Variants in CRB1 observed in about 807,000 individuals in gnomAD.
The protein encoded by CRB1 is protein crumbs homolog 1.
A neutral mutation model predicts 120.0 loss-of-function variants in CRB1; 83 were observed. The ratio of observed to expected loss-of-function variants is 0.69; its 90% CI spans 0.58 to 0.83. The LOEUF is 0.83. Ranked by LOEUF, CRB1 falls within the 40% of genes least tolerant of loss-of-function variation. The pLI is 0.00. For synonymous variants in CRB1, 625 were observed against 612.5 expected (o/e 1.02, Z -0.30); for missense variants, 1,699 against 1,687.6 (o/e 1.01, Z -0.12).
chr1:197,321,881 ACT>A (rs1658217858), intron 1 of CRB1, among the ~76,000 whole-genome samples: 1 of 152,176 alleles, frequency 6.6e-6, no homozygotes, highest in South Asian at 2.1e-4. Flanking sequence ...TCACAGTTAA[ACT>A]CTCAGAAAGT....
At chr1:197,377,356 T>A (rs1292021743) in intron 5 of CRB1, among the ~76,000 whole-genome samples, 1 of 152,158 alleles carries the variant, frequency 6.6e-6, no homozygotes, top group Non-Finnish European at 1.5e-5. Flanking sequence ...AACCAATATT[T>A]CATGAATATC....
At chr1:197,202,105 C>T in the CRB1 span, among the ~76,000 whole-genome samples, 1 of 152,040 alleles carries the variant, frequency 6.6e-6, no homozygotes, top group Non-Finnish European at 1.5e-5. Flanking sequence ...AAGATGAAGG[C>T]TGAGACAAAA....
rs147060384 is a variant in CRB1, at chr1:197,449,412, G to T, written c.4005+7120G>T. On this transcript the variant is annotated intron_variant, in intron 11 of 11. Transcript: ENST00000367400. ...GATGGAGTCTCGCACTGTCGCCCAGGCTGGAGTGCAGTGGCGCAATCTCGG... is the reference window on the plus strand; with the variant it reads ...GATGGAGTCTCGCACTGTCGCCCAGTCTGGAGTGCAGTGGCGCAATCTCGG... Among the ~76,000 whole-genome samples, 70 of 152,084 alleles carry T rather than the reference G, an allele frequency of 4.6e-4. No individual in the cohort carries two copies. The East Asian group carries it at 0.01, about 22-fold the overall frequency.
intron 2 of CRB1, among the ~76,000 whole-genome samples, chr1:197,342,985 G>A (rs887366895): frequency 2.0e-5 from 3 of 152,180 alleles, no homozygotes; most frequent in Non-Finnish European, 4.4e-5. Flanking sequence ...CAAAGAGCAA[G>A]CCACTTACCT....
At chr1:197,330,798 C>T (rs1366130585) in intron 2 of CRB1, among the ~76,000 whole-genome samples, 1 of 152,078 alleles carries the variant, frequency 6.6e-6, no homozygotes, top group Non-Finnish European at 1.5e-5. Context: ...TTGCACCCCC[C>T]CCCAAATGTT....
At chr1:197,329,118 G>T in intron 2 of CRB1, 115 bp downstream of exon 2, 2 of 904,800 alleles carry the variant, frequency 2.2e-6, no homozygotes, top group Non-Finnish European at 3.5e-6. Flanking sequence ...CCAAGTTCTT[G>T]ACAGGAATCA....
At chr1:197,461,455 A>G (rs556247792) in intron 11 of CRB1, among the ~76,000 whole-genome samples, 2 of 152,252 alleles carry the variant, frequency 1.3e-5, no homozygotes, top group Non-Finnish European at 2.9e-5. Context: ...TATGAGAGCC[A>G]TGAAGGTGAT....
chr1:197,426,485 C>G (rs1426004813), intron 6 of CRB1, among the ~76,000 whole-genome samples: 1 of 152,154 alleles, frequency 6.6e-6, no homozygotes, highest in African/African-American at 2.4e-5. Flanking sequence ...TGTCTTTCCT[C>G]CAACTAGAAT....
At chr1:197,405,080 A>C (rs1025705578) in intron 5 of CRB1, among the ~76,000 whole-genome samples, 4 of 146,986 alleles carry the variant, frequency 2.7e-5, no homozygotes, top group South Asian at 4.3e-4. Flanking sequence ...CCCTCTCCCC[A>C]CGGTCTCCCT....
At chr1:197,372,490 A>G (rs1179182233) in intron 5 of CRB1, among the ~76,000 whole-genome samples, 1 of 152,232 alleles carries the variant, frequency 6.6e-6, no homozygotes, top group Non-Finnish European at 1.5e-5. Flanking sequence ...TACCTTTGTT[A>G]CATTGGTTTG....
intron 5 of CRB1, among the ~76,000 whole-genome samples, chr1:197,390,928 A>G (rs1421893496): frequency 1.3e-5 from 2 of 152,054 alleles, no homozygotes; most frequent in Non-Finnish European, 2.9e-5. Context: ...ATACTCACTT[A>G]TGCATTGTAG....
chr1:197,394,385 G>A (rs1662667252), intron 5 of CRB1, among the ~76,000 whole-genome samples: 1 of 151,928 alleles, frequency 6.6e-6, no homozygotes, highest in South Asian at 2.1e-4. Context: ...AAGGCTTCCA[G>A]TCAACTGTAG....
At chr1:197,347,592 T>G in intron 4 of CRB1, 113 bp downstream of exon 4, 1 of 1,110,926 alleles carries the variant, frequency 9.0e-7, no homozygotes, top group Non-Finnish European at 1.3e-6. Flanking sequence ...AATCAATTTC[T>G]TCTAGCTAAT....
At chr1:197,412,790 C>T (rs1663777290) in intron 5 of CRB1, among the ~76,000 whole-genome samples, 1 of 152,156 alleles carries the variant, frequency 6.6e-6, no homozygotes, top group Non-Finnish European at 1.5e-5. Context: ...CAAACTAAGG[C>T]CTTGATAAAT....
chr1:197,338,977 A>G (rs920241443), intron 2 of CRB1, among the ~76,000 whole-genome samples: 1 of 152,196 alleles, frequency 6.6e-6, no homozygotes, highest in South Asian at 2.1e-4. Context: ...GGAGTAAAAA[A>G]GGAGTCAGAA....
At chr1:197,451,330 C>G (rs1206443302) in intron 11 of CRB1, among the ~76,000 whole-genome samples, 1 of 152,152 alleles carries the variant, frequency 6.6e-6, no homozygotes, top group Non-Finnish European at 1.5e-5. Context: ...GGAAAAATGA[C>G]ATTTGCGAAT....
chr1:197,371,274 C>T (rs1661356368), intron 5 of CRB1, among the ~76,000 whole-genome samples: 1 of 152,132 alleles, frequency 6.6e-6, no homozygotes, highest in Non-Finnish European at 1.5e-5. Flanking sequence ...CTACCTTCTC[C>T]ACACTTACAA....
intron 1 of CRB1, among the ~76,000 whole-genome samples, chr1:197,320,798 T>C (rs955347559): frequency 2.0e-5 from 3 of 152,210 alleles, no homozygotes; most frequent in Admixed American, 6.5e-5. Flanking sequence ...AGCACTCTTA[T>C]TAAACTATTA....
intron 1 of CRB1, among the ~76,000 whole-genome samples, chr1:197,269,707 T>C (rs1162449163): frequency 2.0e-5 from 3 of 152,134 alleles, no homozygotes; most frequent in African/African-American, 7.2e-5. Context: ...TTATGGTGCA[T>C]TTTATGGCAA....
Sources: gnomAD v4.1 joint callset for allele counts (sites outside exome capture counted in the v4.1 genomes callset) on GRCh38, gnomAD v4.1.1 for gene constraint, MANE v1.5 for transcripts, NCBI Gene and HGNC (gene_info 2026-07-23, HGNC 2026-07-21) for gene names.